Variants in SPINK4 observed in about 807,000 individuals in gnomAD.
SPINK4 encodes the protein serine protease inhibitor Kazal-type 4.
In SPINK4, 10 loss-of-function variants were observed where a neutral mutation model predicts 12.3. The ratio of observed to expected loss-of-function variants is 0.81; its 90% CI spans 0.50 to 1.37. SPINK4 has a LOEUF of 1.37. Ranked by LOEUF, SPINK4 falls within the 40% of genes most tolerant of loss-of-function variation. The probability of loss-of-function intolerance (pLI) is 0.00; values close to 1 mark genes in which losing one functional copy is unlikely to be tolerated. For synonymous variants in SPINK4, 37 were observed against 40.2 expected (o/e 0.92, Z 0.30); for missense variants, 91 against 109.0 (o/e 0.84, Z 0.73).
chr9:33,244,121 C>T (rs896605685), intron 1 of SPINK4, among the ~76,000 whole-genome samples: 7 of 152,224 alleles, frequency 4.6e-5, no homozygotes, highest in African/African-American at 1.7e-4. Flanking sequence ...CATAAACGCC[C>T]TTCCTTCCAC....
At chr9:33,246,584 C>T (rs780385178) in intron 2 of SPINK4, 32 bp from the exon 3 acceptor site, 1 of 1,591,612 alleles carries the variant, frequency 6.3e-7, no homozygotes, top group South Asian at 1.1e-5. Flanking sequence ...CCTCTGAATC[C>T]CTGAGTCCTC....
intron 2 of SPINK4, 100 bp downstream of exon 2, chr9:33,245,252 C>A: frequency 7.6e-7 from 1 of 1,319,192 alleles, no homozygotes. Context: ...CCTGCTCAGA[C>A]ACCTTCAATG....
Position 33,248,479 on chromosome 9 carries a change from G to A in SPINK4, c.*8G>A, listed in dbSNP as rs753147458. On this transcript the variant is annotated 3_prime_UTR_variant, in exon 4 of 4. Coordinates refer to ENST00000379721, the MANE Select transcript of SPINK4 (RefSeq NM_014471.3). ...AAAGATGGCAAATGCTGATCCCACA[G>A]GAGCACCTCAAGCCATGAAGTGTCA... 2 of 1,614,002 alleles carry A rather than the reference G, an allele frequency of 1.2e-6. No individual in the cohort carries two copies. Among genetic ancestry groups the A allele is most frequent in the East Asian group, 2.2e-5 (1 of 44,890 alleles).
At chr9:33,241,905 A>G (rs924720607) in intron 1 of SPINK4, among the ~76,000 whole-genome samples, 4 of 151,750 alleles carry the variant, frequency 2.6e-5, no homozygotes, top group Non-Finnish European at 5.9e-5. Flanking sequence ...TTCAAGACAG[A>G]GTCTTGCTTT....
chr9:33,248,358 C>T, intron 3 of SPINK4, 68 bp from the exon 4 acceptor site: 2 of 1,553,382 alleles, frequency 1.3e-6, no homozygotes, highest in South Asian at 2.3e-5. Flanking sequence ...ATGGACTGTG[C>T]CAGGTCCCTG....
At chr9:33,242,857 C>G (rs951769265) in intron 1 of SPINK4, among the ~76,000 whole-genome samples, 4 of 149,894 alleles carry the variant, frequency 2.7e-5, no homozygotes, top group Admixed American at 6.6e-5. Context: ...ATCCCTGCCC[C>G]CATCCCAGTG....
Position 33,245,137 on chromosome 9 carries a change from C to G in SPINK4, c.87C>G (p.Leu29=). The G allele has an allele frequency of 1.2e-6, 2 of 1,613,774 alleles. No individual in the cohort carries two copies. The highest frequency in any genetic ancestry group is 2.7e-5 in the African/African-American group (2 of 75,010). The change falls in exon 2 of 4, where the codon CTC becomes CTG. Residue 29 remains leucine, a synonymous_variant. Transcript: ENST00000379721. ...DREVPVAAGK[L]PFSRMPICEH... ...AAGTGCCAGTGGCAGCAGGAAAGCT[C>G]CCTTTCTCAAGAATGGTAAGGCAGC...
intron 3 of SPINK4, among the ~76,000 whole-genome samples, chr9:33,247,011 C>G (rs1158519167): frequency 6.6e-6 from 1 of 152,060 alleles, no homozygotes; most frequent in Non-Finnish European, 1.5e-5. Flanking sequence ...TTTCATTCGT[C>G]TAGCCAGCAA....
chr9:33,242,570 C>G (rs1263804976), intron 1 of SPINK4, among the ~76,000 whole-genome samples: 1 of 152,082 alleles, frequency 6.6e-6, no homozygotes, highest in Non-Finnish European at 1.5e-5. Flanking sequence ...ACGCAGTACC[C>G]TAAACATAAG....
At position 33,248,323 on chromosome 9, in the gene SPINK4, G is replaced by A. The variant is rs112421406; in HGVS notation, c.216-103G>A. The A allele has an allele frequency of 9.2e-5, 110 of 1,200,648 alleles. No individual in the cohort carries two copies. The African/African-American group carries it at 1.4e-3, about 15-fold the overall frequency. The allele number at this position is 1,200,648 out of a possible 1,614,324, so 74.4% of individuals were successfully genotyped here. On this transcript the variant is annotated intron_variant, in intron 3 of 3. Coordinates refer to ENST00000379721, the MANE Select transcript of SPINK4 (RefSeq NM_014471.3). ...CCCTGTATCCATACACTGCATATGT[G>A]GGCGACGCTCAGCAGGATGTCTGGA...
chr9:33,240,804 C>T (rs1820227393), intron 1 of SPINK4, among the ~76,000 whole-genome samples: 1 of 152,196 alleles, frequency 6.6e-6, no homozygotes, highest in Admixed American at 6.5e-5. Flanking sequence ...CTGGGCCATC[C>T]CTGCAATCTC....
intron 1 of SPINK4, 34 bp from the exon 2 acceptor site, chr9:33,245,078 G>A (rs480583): frequency 0.17 from 271,390 of 1,607,106 alleles, 23,734 homozygotes; most frequent in African/African-American, 0.24. Context: ...GTCTAGAGCC[G>A]GCATAATCTA....
Position 33,248,538 on chromosome 9 carries a change from G to C in SPINK4, c.*67G>C. On this transcript the variant is annotated 3_prime_UTR_variant, in exon 4 of 4. Transcript: ENST00000379721. Reference sequence around the variant, plus strand: ...ACAGTGGTGGGCATGGAGAGGATATGACATGAAATAAAAGATCCAGCCCAA... The same window carrying C: ...ACAGTGGTGGGCATGGAGAGGATATCACATGAAATAAAAGATCCAGCCCAA... 3 of 1,584,040 alleles carry C rather than the reference G, an allele frequency of 1.9e-6. No individual in the cohort carries two copies. Among genetic ancestry groups the C allele is most frequent in the Non-Finnish European group, 2.6e-6 (3 of 1,156,790 alleles).
chr9:33,246,346 G>A (rs945622319), intron 2 of SPINK4, among the ~76,000 whole-genome samples: 1 of 152,118 alleles, frequency 6.6e-6, no homozygotes, highest in Non-Finnish European at 1.5e-5. Context: ...ACAGGCATAC[G>A]CTTGAATGCC....
At chr9:33,245,697 G>A (rs150067034) in intron 2 of SPINK4, among the ~76,000 whole-genome samples, 6 of 152,294 alleles carry the variant, frequency 3.9e-5, no homozygotes, top group African/African-American at 1.4e-4. Context: ...TTCATGTAGT[G>A]GAATGAGGAG....
At chr9:33,245,591 C>T (rs1820277391) in intron 2 of SPINK4, among the ~76,000 whole-genome samples, 1 of 152,202 alleles carries the variant, frequency 6.6e-6, no homozygotes, top group African/African-American at 2.4e-5. Context: ...ACCAAGTTGT[C>T]CCCGAATCCT....
chr9:33,242,876 C>CTTTT (rs59110651), intron 1 of SPINK4, among the ~76,000 whole-genome samples: 22 of 139,258 alleles, frequency 1.6e-4, no homozygotes, highest in Admixed American at 3.6e-4. Flanking sequence ...TGCTCTGACA[C>CTTTT]TTTTTTTTTT....
intron 3 of SPINK4, chr9:33,248,122 A>G (rs1820304014): frequency 2.6e-6 from 1 of 378,496 alleles, no homozygotes; most frequent in Non-Finnish European, 4.9e-6. Context: ...AGGACATCCC[A>G]CTGGATATGG....
intron 1 of SPINK4, 126 bp downstream of exon 1, chr9:33,240,395 A>G (rs1337500852): frequency 1.3e-6 from 1 of 779,210 alleles, no homozygotes; most frequent in Non-Finnish European, 2.0e-6. Flanking sequence ...CATTCTGCAT[A>G]TGCACCCTCC....
Sources: allele counts gnomAD v4.1 joint callset (sites outside exome capture counted in the v4.1 genomes callset), GRCh38; gene constraint gnomAD v4.1.1; transcripts MANE v1.5; gene names NCBI Gene and HGNC (gene_info 2026-07-23, HGNC 2026-07-21).